C20orf203: variants seen among roughly 807,000 people sequenced by gnomAD.
The protein encoded by C20orf203 is uncharacterized protein C20orf203.
C20orf203 carries 16 observed loss-of-function variants against 15.9 expected under a neutral mutation model. The ratio of observed to expected loss-of-function variants is 1.01; its 90% CI spans 0.68 to 1.53. The LOEUF (loss-of-function observed/expected upper bound fraction) is 1.53. C20orf203 is among the 40% of genes most tolerant of loss of function. C20orf203 has a pLI of 0.00. For synonymous variants in C20orf203, 98 were observed against 97.2 expected, an observed-to-expected ratio of 1.01 and a Z score of -0.05; for missense variants, 263 against 247.5, an observed-to-expected ratio of 1.06 and a Z score of -0.42.
At chr20:32,645,034 C>A (rs539192387) in intron 4 of C20orf203, among the ~76,000 whole-genome samples, 41 of 152,144 alleles carry the variant, frequency 2.7e-4, no homozygotes, top group African/African-American at 9.9e-4. Context: ...GCTCTCCAGG[C>A]CCCCTTCCCA....
intron 1 of C20orf203, among the ~76,000 whole-genome samples, chr20:32,654,070 G>A (rs59960816): frequency 0.024 from 3,414 of 141,982 alleles, 128 homozygotes; most frequent in African/African-American, 0.085. Flanking sequence ...TCCAGCCTGG[G>A]TGATGGAGCG....
At chr20:32,654,871 T>C (rs1982717901) in intron 1 of C20orf203, among the ~76,000 whole-genome samples, 1 of 152,096 alleles carries the variant, frequency 6.6e-6, no homozygotes, top group Non-Finnish European at 1.5e-5. Flanking sequence ...AAATGAACAA[T>C]GTTGGAGTGC....
chr20:32,639,458 T>C (rs368301074), intron 5 of C20orf203, among the ~76,000 whole-genome samples: 1 of 152,080 alleles, frequency 6.6e-6, no homozygotes, highest in East Asian at 1.9e-4. Flanking sequence ...AGCCTCAGTT[T>C]CCTCATCTGT....
intron 4 of C20orf203, among the ~76,000 whole-genome samples, chr20:32,642,401 C>T (rs567281083): frequency 1.2e-4 from 19 of 152,098 alleles, no homozygotes; most frequent in Middle Eastern, 3.2e-3. Flanking sequence ...TCTCTAGGAA[C>T]GAGTAAGCCA....
At chr20:32,671,716 A>G (rs1452599114) in intron 1 of C20orf203, among the ~76,000 whole-genome samples, 2 of 151,744 alleles carry the variant, frequency 1.3e-5, no homozygotes, top group East Asian at 3.9e-4. Context: ...GCGCACACCT[A>G]TAATCCCAGC....
At chr20:32,660,916 AACTC>A (rs1433057214) in intron 1 of C20orf203, among the ~76,000 whole-genome samples, 1 of 152,182 alleles carries the variant, frequency 6.6e-6, no homozygotes, top group Admixed American at 6.5e-5. Flanking sequence ...CGTGAGAATG[AACTC>A]ACTATCATGA....
chr20:32,637,272 G>C (rs1221297959), intron 5 of C20orf203, among the ~76,000 whole-genome samples: 2 of 152,130 alleles, frequency 1.3e-5, no homozygotes, highest in Non-Finnish European at 2.9e-5. Flanking sequence ...AATTAGCTGG[G>C]CGTGGTGGCA....
Position 32,633,353 on chromosome 20 carries a change from A to G in C20orf203, c.*2217T>C, listed in dbSNP as rs1249856622. The G allele has an allele frequency of 6.6e-6, 1 of 152,160 alleles. No individual in the cohort carries two copies. Among genetic ancestry groups the G allele is most frequent in the Non-Finnish European group, 1.5e-5 (1 of 68,034 alleles). 9.4% of individuals were successfully genotyped at this position (152,160 alleles called of 1,614,324 possible). A position where few individuals can be genotyped will look rare whatever the true frequency, so the allele number is the denominator to read the frequency against. On this transcript the variant is annotated 3_prime_UTR_variant, in exon 6 of 6. Transcript: ENST00000608990. Reference sequence around the variant, plus strand: ...GTCCACCTGATGGTGATGATACTCTAGGAGGACAATGATCATATAGTAAGT... The same window carrying G: ...GTCCACCTGATGGTGATGATACTCTGGGAGGACAATGATCATATAGTAAGT...
intron 4 of C20orf203, among the ~76,000 whole-genome samples, chr20:32,645,757 C>G (rs1982408073): frequency 6.6e-6 from 1 of 152,242 alleles, no homozygotes; most frequent in Non-Finnish European, 1.5e-5. Flanking sequence ...GCAGCAGATC[C>G]AGGTCACAGA....
At chr20:32,638,805 T>C (rs973323224) in intron 5 of C20orf203, among the ~76,000 whole-genome samples, 1 of 152,200 alleles carries the variant, frequency 6.6e-6, no homozygotes. Context: ...GCACTGGCCC[T>C]GGAGAGAAGC....
intron 1 of C20orf203, among the ~76,000 whole-genome samples, chr20:32,658,154 C>G (rs899680672): frequency 2.6e-5 from 4 of 151,956 alleles, no homozygotes; most frequent in Non-Finnish European, 2.9e-5. Context: ...CTGGCCAACA[C>G]GGTGAAACCC....
At chr20:32,644,530 C>T (rs1406790369) in intron 4 of C20orf203, among the ~76,000 whole-genome samples, 2 of 152,132 alleles carry the variant, frequency 1.3e-5, no homozygotes, top group African/African-American at 4.8e-5. Context: ...TGAGCCAGCC[C>T]AGCCTCAGGC....
intron 1 of C20orf203, among the ~76,000 whole-genome samples, chr20:32,669,738 G>A (rs1050846361): frequency 1.3e-5 from 2 of 152,104 alleles, no homozygotes; most frequent in Non-Finnish European, 2.9e-5. Flanking sequence ...TCATAGCACT[G>A]GCCTTAGTAA....
At chr20:32,663,225 GGT>G (rs1982936436) in intron 1 of C20orf203, among the ~76,000 whole-genome samples, 1 of 151,772 alleles carries the variant, frequency 6.6e-6, no homozygotes, top group Non-Finnish European at 1.5e-5. Context: ...TGGGATTATA[GGT>G]GCGAGCCCCC....
chr20:32,672,142 C>T (rs112089699), intron 1 of C20orf203, among the ~76,000 whole-genome samples: 25 of 152,068 alleles, frequency 1.6e-4, no homozygotes, highest in Middle Eastern at 3.4e-3. Context: ...CAGTGAAACC[C>T]CATCTCTACT....
rs1028928030 is a variant in C20orf203 at position 32,631,731 on chromosome 20, A to G, written c.*3839T>C. 6.6e-6 allele frequency: 1 copy of G among 152,224 alleles called. No homozygotes were observed. The highest frequency in any genetic ancestry group is 1.5e-5 in the Non-Finnish European group (1 of 68,038). The allele number at this position is 152,224 out of a possible 1,614,324, so 9.4% of individuals were successfully genotyped here. ...TTCGTCTGATGCTAAAAATTAAAGA[A>G]GAAAAGCAGCTGGCCACATGGCTGG... On this transcript the variant is annotated 3_prime_UTR_variant, in exon 6 of 6. Transcript: ENST00000608990.
At chr20:32,662,098 T>C (rs939065780) in intron 1 of C20orf203, among the ~76,000 whole-genome samples, 2 of 152,190 alleles carry the variant, frequency 1.3e-5, no homozygotes, top group Admixed American at 1.3e-4. Context: ...AGATCCAGCC[T>C]GGTACAGGCG....
chr20:32,648,318 C>G (rs1293946304), intron 4 of C20orf203, among the ~76,000 whole-genome samples: 2 of 152,108 alleles, frequency 1.3e-5, no homozygotes, highest in African/African-American at 4.8e-5. Flanking sequence ...AGCTTTGCCT[C>G]CCTCAGAGGC....
At chr20:32,658,777 G>C (rs898807907) in intron 1 of C20orf203, among the ~76,000 whole-genome samples, 4 of 152,134 alleles carry the variant, frequency 2.6e-5, no homozygotes, top group African/African-American at 9.7e-5. Flanking sequence ...CAGGGAGATG[G>C]AGCAGGAGAA....
Sources: gnomAD v4.1 joint callset for allele counts (sites outside exome capture counted in the v4.1 genomes callset) on GRCh38, gnomAD v4.1.1 for gene constraint, MANE v1.5 for transcripts, NCBI Gene and HGNC (gene_info 2026-07-23, HGNC 2026-07-21) for gene names.